Variants in ITGBL1 observed in about 807,000 individuals in gnomAD.
The protein encoded by ITGBL1 is integrin subunit beta like 1, also known as integrin beta-like protein 1.
In ITGBL1, 51 loss-of-function variants were observed where a neutral mutation model predicts 68.5. That is an observed-to-expected ratio of 0.74 (90% CI 0.59 to 0.94). The LOEUF (loss-of-function observed/expected upper bound fraction) is 0.94, where lower values mean the gene tolerates loss of function less well. Among genes scored for constraint, ITGBL1 ranks in the 40% least tolerant of loss-of-function variants. The pLI, the probability that ITGBL1 is intolerant of heterozygous loss-of-function variation, is 0.00. For missense variants in ITGBL1, 649 were observed against 647.4 expected (o/e 1.00, Z -0.03); for synonymous variants, 209 against 227.3 (o/e 0.92, Z 0.72).
chr13:101,461,364 CA>C (rs2048315351), intron 2 of ITGBL1, among the ~76,000 whole-genome samples: 1 of 152,046 alleles, frequency 6.6e-6, no homozygotes. Flanking sequence ...CCTTGTGACT[CA>C]CCATGTTCAT....
Position 101,583,308 on chromosome 13 carries a change from A to G in ITGBL1, c.820A>G (p.Arg274Gly), listed in dbSNP as rs1310224582. The change falls in exon 6 of 11, where the codon AGG becomes GGG. Residue 274 changes from arginine (R) to glycine (G), a missense_variant. By Grantham distance (125) the Arg-to-Gly change is moderately radical. Transcript: ENST00000376180. ...IHGDTCECDE[R>G]DCRAVYDRYS... ...TGGGGACACCTGTGAATGTGATGAG[A>G]GGGACTGTAGAGCTGTCTATGACCG... The G allele has an allele frequency of 6.2e-7, 1 of 1,612,652 alleles. No individual in the cohort carries two copies. Among genetic ancestry groups the G allele is most frequent in the African/African-American group, 1.3e-5 (1 of 74,794 alleles).
At chr13:101,485,017 A>C (rs2048680908) in intron 2 of ITGBL1, among the ~76,000 whole-genome samples, 1 of 152,324 alleles carries the variant, frequency 6.6e-6, no homozygotes, top group South Asian at 2.1e-4. Context: ...AGAGGAACGA[A>C]AATAAGGATG....
intron 2 of ITGBL1, among the ~76,000 whole-genome samples, chr13:101,564,538 A>G (rs1000861923): frequency 4.6e-5 from 7 of 150,810 alleles, no homozygotes; most frequent in African/African-American, 1.7e-4. Context: ...ATATCCGTAC[A>G]TATATGTATA....
At chr13:101,575,170 G>C (rs1478796133) in intron 3 of ITGBL1, among the ~76,000 whole-genome samples, 2 of 152,074 alleles carry the variant, frequency 1.3e-5, no homozygotes, top group Non-Finnish European at 2.9e-5. Context: ...TGCACTTGGA[G>C]AGGTCAAATT....
At chr13:101,638,479 A>G (rs905838803) in intron 7 of ITGBL1, among the ~76,000 whole-genome samples, 2 of 152,154 alleles carry the variant, frequency 1.3e-5, no homozygotes, top group Non-Finnish European at 2.9e-5. Context: ...CATGCTGCTG[A>G]TAAGGATATA....
At chr13:101,587,071 G>A (rs1490529878) in intron 6 of ITGBL1, among the ~76,000 whole-genome samples, 1 of 152,126 alleles carries the variant, frequency 6.6e-6, no homozygotes, top group African/African-American at 2.4e-5. Context: ...GCCATCCTGA[G>A]AGTTTTGGTC....
At chr13:101,703,140 C>G (rs1402153074) in intron 8 of ITGBL1, among the ~76,000 whole-genome samples, 1 of 150,690 alleles carries the variant, frequency 6.6e-6, no homozygotes, top group Non-Finnish European at 1.5e-5. Context: ...AACTATATAC[C>G]ATGAGATGGA....
At chr13:101,605,985 T>C (rs2030817284) in intron 7 of ITGBL1, among the ~76,000 whole-genome samples, 3 of 145,214 alleles carry the variant, frequency 2.1e-5, no homozygotes, top group Admixed American at 1.4e-4. Context: ...TATATGTGTA[T>C]ATATATGTGT....
At chr13:101,629,200 TCACTTTGGGGCAGCATA>T (rs2031895520) in intron 7 of ITGBL1, among the ~76,000 whole-genome samples, 1 of 152,196 alleles carries the variant, frequency 6.6e-6, no homozygotes, top group African/African-American at 2.4e-5. Context: ...GTCAGATTTG[TCACTTTGGGGCAGCATA>T]CACTTTGATT....
intron 6 of ITGBL1, 143 bp from the exon 7 acceptor site, chr13:101,598,009 GA>G: frequency 1.5e-6 from 1 of 669,480 alleles, no homozygotes; most frequent in Non-Finnish European, 2.3e-6. Context: ...AAGAATTTGA[GA>G]AAAATGTGCG....
At chr13:101,532,966 T>C (rs1265774022) in intron 2 of ITGBL1, among the ~76,000 whole-genome samples, 1 of 152,204 alleles carries the variant, frequency 6.6e-6, no homozygotes, top group Admixed American at 6.5e-5. Flanking sequence ...ATATTTCCAA[T>C]GGCTGCATAT....
intron 5 of ITGBL1, among the ~76,000 whole-genome samples, chr13:101,581,397 A>G (rs1419615047): frequency 6.6e-6 from 1 of 152,158 alleles, no homozygotes; most frequent in Non-Finnish European, 1.5e-5. Context: ...GTGACCCATA[A>G]ACCTAACTTC....
At chr13:101,547,182 T>G (rs1406148685) in intron 2 of ITGBL1, among the ~76,000 whole-genome samples, 1 of 151,812 alleles carries the variant, frequency 6.6e-6, no homozygotes, top group Non-Finnish European at 1.5e-5. Flanking sequence ...ATTTTCCTTT[T>G]AGAATTTATT....
chr13:101,502,227 A>G (rs898023566), intron 2 of ITGBL1, among the ~76,000 whole-genome samples: 10 of 152,230 alleles, frequency 6.6e-5, no homozygotes, highest in Non-Finnish European at 1.5e-5. Context: ...GCTTCGTTAA[A>G]TAAAACACAC....
intron 2 of ITGBL1, among the ~76,000 whole-genome samples, chr13:101,473,467 T>A (rs1008677498): frequency 2.6e-5 from 4 of 152,230 alleles, no homozygotes; most frequent in Non-Finnish European, 5.9e-5. Context: ...TGATCAGCCC[T>A]AGCCAGAGCG....
intron 3 of ITGBL1, among the ~76,000 whole-genome samples, chr13:101,572,763 A>C (rs1000037970): frequency 2.0e-5 from 3 of 152,020 alleles, no homozygotes; most frequent in African/African-American, 4.8e-5. Context: ...GGAGCTGCCT[A>C]TGGGGGACTT....
At chr13:101,682,572 C>T (rs9518490) in intron 7 of ITGBL1, among the ~76,000 whole-genome samples, 28,601 of 151,794 alleles carry the variant, frequency 0.19, 3,429 homozygotes, top group Admixed American at 0.28. Context: ...TACTAAAAGA[C>T]AAAAGTAATT....
chr13:101,467,891 A>T (rs544746520), intron 2 of ITGBL1, among the ~76,000 whole-genome samples: 15 of 151,532 alleles, frequency 9.9e-5, no homozygotes, highest in African/African-American at 1.7e-4. Flanking sequence ...TTTTTTTTTT[A>T]AAAGAGGTCA....
chr13:101,600,643 A>C (rs1454232304), intron 7 of ITGBL1, among the ~76,000 whole-genome samples: 2 of 152,288 alleles, frequency 1.3e-5, no homozygotes, highest in Non-Finnish European at 2.9e-5. Flanking sequence ...AGTTTTTAGC[A>C]TGAAGGGTTG....
Sources: allele counts gnomAD v4.1 joint callset (sites outside exome capture counted in the v4.1 genomes callset), GRCh38; gene constraint gnomAD v4.1.1; transcripts MANE v1.5; gene names NCBI Gene and HGNC (gene_info 2026-07-23, HGNC 2026-07-21).